The following ARID4B variants were observed in gnomAD, a reference collection of about 807,000 sequenced individuals.
ARID4B encodes AT-rich interaction domain 4B.
In ARID4B, 26 loss-of-function variants were observed where a neutral mutation model predicts 147.5. The observed-to-expected ratio is 0.18, with a 90% CI of 0.13 to 0.24. The LOEUF is 0.24. ARID4B is among the 10% of genes least tolerant of loss of function. The pLI is 1.00. For missense variants in ARID4B, 1,179 were observed against 1,511.5 expected (o/e 0.78, Z 3.65); for synonymous variants, 512 against 507.9 (o/e 1.01, Z -0.11).
At chr1:235,220,890 G>GT (rs10714449) in intron 14 of ARID4B, among the ~76,000 whole-genome samples, 48 of 149,086 alleles carry the variant, frequency 3.2e-4, no homozygotes, top group East Asian at 3.0e-3. Flanking sequence ...TCCTTTTTTT[G>GT]TTTTTTTTTG....
At chr1:235,295,088 A>C (rs1672597341) in intron 2 of ARID4B, among the ~76,000 whole-genome samples, 2 of 152,030 alleles carry the variant, frequency 1.3e-5, no homozygotes, top group African/African-American at 4.8e-5. Context: ...AATACAGCCT[A>C]AGGATGTAAA....
intron 2 of ARID4B, among the ~76,000 whole-genome samples, chr1:235,305,868 G>C (rs1031269080): frequency 1.3e-5 from 2 of 152,156 alleles, no homozygotes; most frequent in Non-Finnish European, 2.9e-5. Context: ...GCTAAGGTGG[G>C]AGGATCACCT....
chr1:235,179,865 T>C (rs946097553), intron 20 of ARID4B, among the ~76,000 whole-genome samples: 5 of 151,896 alleles, frequency 3.3e-5, no homozygotes, highest in African/African-American at 1.2e-4. Flanking sequence ...GGTCAAGAGA[T>C]AGAGACCATC....
chr1:235,242,243 G>A (rs886100057), intron 7 of ARID4B, among the ~76,000 whole-genome samples: 3 of 115,578 alleles, frequency 2.6e-5, no homozygotes, highest in Non-Finnish European at 3.7e-5. Context: ...GTGAGACTCC[G>A]TCTCAAAAAA....
chr1:235,209,558 TTTTTG>T lies in ARID4B; in HGVS notation c.1841+4206_1841+4210del, dbSNP rs1296800132. On this transcript the variant is annotated intron_variant, in intron 17 of 23. Transcript: ENST00000264183. ...TTAACAAGAAAATTGATTTTTTTGT[TTTTTG>T]TTTTGTTTTTTTTTTTTTGAGATGG... 7.9e-4 allele frequency among the ~76,000 whole-genome samples: 89 copies of T among 112,772 alleles called. 2 individuals are homozygous for T. In the East Asian group the frequency reaches 0.018, roughly 23 times the overall value. The allele number at this position is 112,772 out of a possible 152,430, so 74.0% of individuals were successfully genotyped here.
intron 17 of ARID4B, among the ~76,000 whole-genome samples, chr1:235,207,600 T>G (rs1430593985): frequency 6.6e-6 from 1 of 152,214 alleles, no homozygotes. Flanking sequence ...ATCAATACCT[T>G]AATAAAGAAT....
chr1:235,281,192 G>A (rs1019603191), intron 2 of ARID4B, among the ~76,000 whole-genome samples: 6 of 152,118 alleles, frequency 3.9e-5, no homozygotes, highest in African/African-American at 7.2e-5. Context: ...AGGCCAAGGC[G>A]GGTGGATCAC....
intron 23 of ARID4B, among the ~76,000 whole-genome samples, chr1:235,171,027 CCTTTT>C (rs201150006): frequency 0.012 from 1,879 of 151,650 alleles, 21 homozygotes; most frequent in Non-Finnish European, 0.015. Flanking sequence ...ACATACAGAT[CCTTTT>C]CTTTTCAAAG....
chr1:235,289,913 T>G (rs1282334724), intron 2 of ARID4B, among the ~76,000 whole-genome samples: 1 of 151,912 alleles, frequency 6.6e-6, no homozygotes, highest in Non-Finnish European at 1.5e-5. Context: ...ATCCATAGTT[T>G]CAACTACTTG....
intron 2 of ARID4B, among the ~76,000 whole-genome samples, chr1:235,322,502 T>C (rs1012832646): frequency 5.3e-5 from 8 of 152,198 alleles, no homozygotes; most frequent in Non-Finnish European, 1.2e-4. Flanking sequence ...TTTCTTCCCT[T>C]CTTTGCCTAG....
chr1:235,219,712 TCATA>T (rs1175713643), intron 16 of ARID4B, 77 bp downstream of exon 16: 14 of 1,119,952 alleles, frequency 1.3e-5, no homozygotes, highest in Admixed American at 2.6e-5. Flanking sequence ...TAATTTAGAT[TCATA>T]CATAAACACA....
chr1:235,189,821 G>A (rs533932166), intron 19 of ARID4B, among the ~76,000 whole-genome samples: 44 of 151,660 alleles, frequency 2.9e-4, no homozygotes, highest in Non-Finnish European at 5.7e-4. Flanking sequence ...CAGGAAAATC[G>A]CTTGAGCTCA....
At chr1:235,175,575 A>T (rs1405293762) in intron 21 of ARID4B, 176 bp from the exon 22 acceptor site, 1 of 592,286 alleles carries the variant, frequency 1.7e-6, no homozygotes, top group African/African-American at 1.9e-5. Flanking sequence ...AAAAACAAAA[A>T]ATTCTTCTTA....
At position 235,173,759 on chromosome 1, in the gene ARID4B, AAAAAAAAAAAAAATATATATATATATAT is replaced by A. The variant is rs1663565839; in HGVS notation, c.3665-1023_3665-996del. ...TCTCTATTTAAAAAAAAAAAAAAAA[AAAAAAAAAAAAAATATATATATATATAT>A]ATATATATATATATATATATATATA... On this transcript the variant is annotated intron_variant, in intron 22 of 23. Coordinates refer to ENST00000264183, the MANE Select transcript of ARID4B (RefSeq NM_016374.6). Among the ~76,000 whole-genome samples, 8 of 50,860 alleles carry A rather than the reference AAAAAAAAAAAAAATATATATATATATAT, an allele frequency of 1.6e-4. No homozygotes were observed. In the Admixed American group the frequency reaches 1.7e-3, roughly 11 times the overall value. 33.4% of individuals were successfully genotyped at this position (50,860 alleles called of 152,430 possible).
At chr1:235,176,437 C>CAAAAAAAAAAAAAA (rs34808765) in intron 21 of ARID4B, among the ~76,000 whole-genome samples, 13 of 22,530 alleles carry the variant, frequency 5.8e-4, no homozygotes, top group African/African-American at 9.9e-4. Context: ...ACAACATCAC[C>CAAAAAAAAAAAAAA]AAAAAAAAAA....
intron 23 of ARID4B, among the ~76,000 whole-genome samples, chr1:235,169,055 TAGG>T (rs1315158441): frequency 1.3e-5 from 2 of 152,184 alleles, no homozygotes; most frequent in Admixed American, 6.5e-5. Flanking sequence ...TTTCTGTACT[TAGG>T]AGTTTTCTTG....
At chr1:235,266,584 C>T (rs1434281582) in intron 2 of ARID4B, among the ~76,000 whole-genome samples, 1 of 152,098 alleles carries the variant, frequency 6.6e-6, no homozygotes, top group Non-Finnish European at 1.5e-5. Context: ...CTAAGTGGCA[C>T]CTAAAAAACA....
intron 17 of ARID4B, among the ~76,000 whole-genome samples, chr1:235,204,077 A>G (rs983998951): frequency 2.6e-5 from 4 of 152,200 alleles, no homozygotes; most frequent in Non-Finnish European, 4.4e-5. Context: ...TAAGACTAAC[A>G]TTTTGGGAGG....
rs1488264695 is a variant in ARID4B, at chr1:235,182,534, A to G, written c.2385T>C (p.Tyr795=). The G allele has an allele frequency of 8.7e-6, 14 of 1,612,924 alleles. No individual in the cohort carries two copies. The highest frequency in any genetic ancestry group is 1.7e-5 in the Admixed American group (1 of 59,832). Residue 795 remains tyrosine (Y), a synonymous_variant, in exon 20 of 24, where the codon TAT becomes TAC. Transcript: ENST00000264183. ...TCTTTTTTGTGACTTCATCTTCTTC[A>G]TAATCAGTATCTTCGGATAATACTT... ...DIEVLSEDTD[Y]EEDEVTKKRK...
Sources: allele counts gnomAD v4.1 joint callset (sites outside exome capture counted in the v4.1 genomes callset), GRCh38; gene constraint gnomAD v4.1.1; transcripts MANE v1.5; gene names NCBI Gene and HGNC (gene_info 2026-07-23, HGNC 2026-07-21).